The following ARHGAP32 variants were observed in gnomAD, a reference collection of about 807,000 sequenced individuals.
ARHGAP32 encodes rho GTPase-activating protein 32.
Under a neutral mutation model 186.5 loss-of-function variants are expected in ARHGAP32, and 51 were observed. The observed-to-expected ratio is 0.27, with a 90% CI of 0.22 to 0.35. The LOEUF (loss-of-function observed/expected upper bound fraction) is 0.35. ARHGAP32 is among the 10% of genes least tolerant of loss of function. The probability of loss-of-function intolerance (pLI) is 1.00; values close to 1 mark genes in which losing one functional copy is unlikely to be tolerated. For missense variants in ARHGAP32, 2,186 were observed against 2,623.5 expected (o/e 0.83, Z 3.64); for synonymous variants, 950 against 964.3 (o/e 0.99, Z 0.27).
At chr11:129,245,674 TAA>T (rs1945084374) in intron 1 of ARHGAP32, among the ~76,000 whole-genome samples, 1 of 69,022 alleles carries the variant, frequency 1.4e-5, no homozygotes, top group African/African-American at 5.6e-5. Flanking sequence ...ATAATAATAA[TAA>T]TAATAATAAT....
At chr11:129,066,638 G>T in intron 7 of ARHGAP32, 93 bp downstream of exon 7, 2 of 1,181,084 alleles carry the variant, frequency 1.7e-6, no homozygotes, top group East Asian at 2.4e-5. Context: ...CACCCTGCGT[G>T]TTCAGTATAA....
rs373951377 is a variant in ARHGAP32, at chr11:129,221,992, G to A, written c.-5+57154C>T. On this transcript the variant is annotated intron_variant, in intron 1 of 6. Coordinates refer to the ARHGAP32 transcript ENST00000525234. ...ACTCAGGGACATTGTGAATATGCAG[G>A]ACCCAAAGAATCCTGCAGATAGGCA... Among the ~76,000 whole-genome samples the A allele has an allele frequency of 1.5e-4, 23 of 152,046 alleles. No homozygotes were observed. The East Asian group carries it at 4.3e-3, about 28-fold the overall frequency.
At chr11:129,082,706 G>A (rs1269456895) in intron 6 of ARHGAP32, among the ~76,000 whole-genome samples, 1 of 151,722 alleles carries the variant, frequency 6.6e-6, no homozygotes, top group Non-Finnish European at 1.5e-5. Flanking sequence ...CTTCATAACC[G>A]AGAAGCCAAA....
intron 2 of ARHGAP32, among the ~76,000 whole-genome samples, chr11:129,154,208 A>G (rs1368444183): frequency 1.3e-5 from 2 of 152,204 alleles, no homozygotes; most frequent in Non-Finnish European, 2.9e-5. Flanking sequence ...AGCAATAGCC[A>G]TAATTTAAAA....
intron 1 of ARHGAP32, among the ~76,000 whole-genome samples, chr11:129,165,297 T>C (rs1325413268): frequency 1.3e-5 from 2 of 151,874 alleles, no homozygotes; most frequent in Non-Finnish European, 2.9e-5. Flanking sequence ...AGTAGACATT[T>C]TGGCAGCCCA....
At chr11:129,215,222 T>C (rs1944629931) in intron 1 of ARHGAP32, among the ~76,000 whole-genome samples, 1 of 152,182 alleles carries the variant, frequency 6.6e-6, no homozygotes, top group African/African-American at 2.4e-5. Context: ...GGTTAAGGTT[T>C]CCTTATGATT....
intron 6 of ARHGAP32, among the ~76,000 whole-genome samples, chr11:129,087,549 G>A (rs1941443010): frequency 2.6e-5 from 4 of 152,128 alleles, no homozygotes; most frequent in Admixed American, 2.6e-4. Flanking sequence ...GCAAAAACTA[G>A]GGAGACAGTA....
chr11:129,066,598 G>A lies in ARHGAP32; in HGVS notation c.669+133C>T, dbSNP rs1049863748. 4.4e-5 allele frequency: 32 copies of A among 724,288 alleles called. No individual in the cohort carries two copies. The Admixed American group carries it at 5.1e-4, about 11-fold the overall frequency. The allele number at this position is 724,288 out of a possible 1,614,324, so 44.9% of individuals were successfully genotyped here. A position where few individuals can be genotyped will look rare whatever the true frequency, so the allele number is the denominator to read the frequency against. On this transcript the variant is annotated intron_variant, in intron 7 of 22. Transcript: ENST00000682385. ...TATATTTAACATTACTAACTTTTCA[G>A]TTATGAAACAGGCAAGTAGTCCCAG...
intron 1 of ARHGAP32, among the ~76,000 whole-genome samples, chr11:129,173,486 T>C (rs1943819665): frequency 6.6e-6 from 1 of 152,212 alleles, no homozygotes; most frequent in African/African-American, 2.4e-5. Context: ...AGCATCATCC[T>C]GATACCAAAA....
At chr11:129,269,694 G>C (rs926717527) in intron 1 of ARHGAP32, among the ~76,000 whole-genome samples, 2 of 152,150 alleles carry the variant, frequency 1.3e-5, no homozygotes, top group African/African-American at 4.8e-5. Flanking sequence ...TCCATCCTGG[G>C]TGACAGAGTA....
chr11:129,202,655 T>C (rs1944468755), intron 1 of ARHGAP32, among the ~76,000 whole-genome samples: 1 of 152,200 alleles, frequency 6.6e-6, no homozygotes, highest in Admixed American at 6.5e-5. Context: ...TTCTAAATGT[T>C]TCCCATCCTA....
chr11:128,967,605 T>G lies in ARHGAP32; in HGVS notation c.*1302A>C, dbSNP rs1406967918. The G allele has an allele frequency of 6.6e-6, 1 of 152,224 alleles. No individual in the cohort carries two copies. Among genetic ancestry groups the G allele is most frequent in the Non-Finnish European group, 1.5e-5 (1 of 68,036 alleles). The allele number at this position is 152,224 out of a possible 1,614,324, so 9.4% of individuals were successfully genotyped here. A position where few individuals can be genotyped will look rare whatever the true frequency, so the allele number is the denominator to read the frequency against. ...CAAAACTCGTGGGTGTTAAACATGT[T>G]TTACATGTCTCCAGAGTTATAAAGA... On this transcript the variant is annotated 3_prime_UTR_variant, in exon 23 of 23. Transcript: ENST00000682385.
At chr11:129,116,005 C>A (rs901140438) in intron 5 of ARHGAP32, among the ~76,000 whole-genome samples, 1 of 152,002 alleles carries the variant, frequency 6.6e-6, no homozygotes. Context: ...CTGGTTGTCA[C>A]CATATCACTT....
At chr11:129,203,251 G>A (rs74644770) in intron 1 of ARHGAP32, among the ~76,000 whole-genome samples, 18 of 152,130 alleles carry the variant, frequency 1.2e-4, no homozygotes, top group South Asian at 1.0e-3. Context: ...GTGACGACCC[G>A]TTTTTGCCTT....
chr11:129,171,339 A>C (rs1341996441), intron 1 of ARHGAP32, among the ~76,000 whole-genome samples: 1 of 152,118 alleles, frequency 6.6e-6, no homozygotes, highest in African/African-American at 2.4e-5. Flanking sequence ...TCCTGAGTTA[A>C]TTTTTGTATA....
At chr11:129,231,587 G>A (rs1353655844) in intron 1 of ARHGAP32, among the ~76,000 whole-genome samples, 2 of 152,056 alleles carry the variant, frequency 1.3e-5, no homozygotes, top group Admixed American at 6.6e-5. Flanking sequence ...GTCAACTGTG[G>A]ACAAAACATT....
chr11:129,237,409 C>T (rs1219178808), intron 1 of ARHGAP32, among the ~76,000 whole-genome samples: 1 of 152,174 alleles, frequency 6.6e-6, no homozygotes, highest in Non-Finnish European at 1.5e-5. Context: ...AAAATCTTTG[C>T]TCCCAGGGAC....
At chr11:129,141,260 G>A (rs959798133) in intron 2 of ARHGAP32, among the ~76,000 whole-genome samples, 22 of 151,296 alleles carry the variant, frequency 1.5e-4, no homozygotes, top group African/African-American at 4.9e-4. Flanking sequence ...TGCTTATACG[G>A]ATGTTCTGTT....
At chr11:129,109,395 G>GT (rs569323917) in intron 5 of ARHGAP32, among the ~76,000 whole-genome samples, 1 of 151,964 alleles carries the variant, frequency 6.6e-6, no homozygotes, top group Non-Finnish European at 1.5e-5. Context: ...GGGAGTGTGG[G>GT]TATCAATCCG....
Sources: gnomAD v4.1 joint callset for allele counts (sites outside exome capture counted in the v4.1 genomes callset) on GRCh38, gnomAD v4.1.1 for gene constraint, MANE v1.5 for transcripts, NCBI Gene and HGNC (gene_info 2026-07-23, HGNC 2026-07-21) for gene names.